The following AIPL1 variants were observed in gnomAD, a reference collection of about 807,000 sequenced individuals.
AIPL1 encodes the protein AIP like 1 HSP90 co-chaperone.
In AIPL1, 23 loss-of-function variants were observed where a neutral mutation model predicts 32.9. The ratio of observed to expected loss-of-function variants is 0.70; its 90% CI spans 0.50 to 0.99. The LOEUF (loss-of-function observed/expected upper bound fraction) is 0.99, where lower values mean the gene tolerates loss of function less well. Ranked by LOEUF, AIPL1 falls within the 50% of genes least tolerant of loss-of-function variation. The pLI, the probability that AIPL1 is intolerant of heterozygous loss-of-function variation, is 0.00. For synonymous variants in AIPL1, 210 were observed against 209.4 expected (o/e 1.00, Z -0.02); for missense variants, 485 against 506.0 (o/e 0.96, Z 0.40).
intron 4 of AIPL1, 42 bp from the exon 5 acceptor site, chr17:6,426,798 C>G (rs1188624510): frequency 1.2e-6 from 2 of 1,612,460 alleles, no homozygotes; most frequent in Admixed American, 1.7e-5. Flanking sequence ...GGCAGCTGCC[C>G]AACCCCCGCC....
intron 2 of AIPL1, among the ~76,000 whole-genome samples, chr17:6,433,461 T>A (rs1005543433): frequency 1.3e-5 from 2 of 152,114 alleles, no homozygotes; most frequent in Non-Finnish European, 2.9e-5. Context: ...GGTGTGGTGG[T>A]GCACCTGTAG....
intron 2 of AIPL1, among the ~76,000 whole-genome samples, chr17:6,429,824 GTAGA>G (rs772773845): frequency 0.22 from 14,563 of 67,082 alleles, 853 homozygotes; most frequent in African/African-American, 0.24. Context: ...AGGTAGGTAG[GTAGA>G]TAGATAGATA....
intron 2 of AIPL1, among the ~76,000 whole-genome samples, chr17:6,429,365 G>T (rs1041116814): frequency 2.2e-4 from 34 of 152,218 alleles, no homozygotes; most frequent in African/African-American, 8.2e-4. Flanking sequence ...GTTCAGCTCT[G>T]CCTCCAGGTC....
intron 5 of AIPL1, chr17:6,426,205 A>G: frequency 2.3e-6 from 3 of 1,280,116 alleles, no homozygotes; most frequent in South Asian, 1.9e-5. Flanking sequence ...TGCATGAGCC[A>G]GGGGCTGGAT....
chr17:6,428,132 T>C (rs181957344), intron 3 of AIPL1, among the ~76,000 whole-genome samples, 186 bp downstream of exon 3: 47 of 152,310 alleles, frequency 3.1e-4, no homozygotes, highest in African/African-American at 1.1e-3. Flanking sequence ...AAAGGACTTT[T>C]CTTGTGGAAA....
intron 2 of AIPL1, 34 bp from the exon 3 acceptor site, chr17:6,428,540 T>C: frequency 1.2e-6 from 2 of 1,605,648 alleles, no homozygotes; most frequent in South Asian, 2.2e-5. Context: ...GCATCCAGGC[T>C]ACCTGCCCAG....
rs1912230857 is a variant in AIPL1, at chr17:6,428,469, C to T, written c.314G>A (p.Arg105Lys). Reference protein sequence around the residue: ...GVYPILSRSLRQMAQGKDPTE... With the variant: ...GVYPILSRSLKQMAQGKDPTE... ...GGGGTCCTTGCCCTGGGCCATCTGC[C>T]TCAGGCTCCGGGATAGGATGGGGTA... Residue 105 changes from arginine to lysine, a missense_variant, in exon 3 of 6, where the codon AGG becomes AAG. Arg to Lys is a conservative substitution (Grantham distance 26). Transcript: ENST00000381129. The T allele has an allele frequency of 2.5e-6, 4 of 1,614,046 alleles. No homozygotes were observed. Among genetic ancestry groups the T allele is most frequent in the South Asian group, 1.1e-5 (1 of 91,088 alleles).
intron 1 of AIPL1, among the ~76,000 whole-genome samples, 188 bp from the exon 2 acceptor site, chr17:6,434,286 C>T (rs769155377): frequency 3.3e-5 from 5 of 151,802 alleles, no homozygotes; most frequent in Admixed American, 6.6e-5. Context: ...ACCCACCCCT[C>T]CCTACAGACC....
At position 6,434,113 on chromosome 17, in the gene AIPL1, G is replaced by T. The variant is rs190887679; in HGVS notation, c.97-15C>A. On this transcript the variant is annotated splice_polypyrimidine_tract_variant and intron_variant, in intron 1 of 5. Transcript: ENST00000381129. The stretch of plus-strand genomic sequence containing the variant: ...TGAAAGATCACCTAGTCACCGAGAC[G>T]GTGCACTCTGCTCTAGACACACTGT... 6.2e-7 allele frequency: 1 copy of T among 1,610,748 alleles called. No homozygotes were observed. Among genetic ancestry groups the T allele is most frequent in the Non-Finnish European group, 8.5e-7 (1 of 1,179,716 alleles).
intron 2 of AIPL1, among the ~76,000 whole-genome samples, chr17:6,429,607 G>A (rs151059506): frequency 8.3e-4 from 126 of 152,306 alleles, no homozygotes; most frequent in Middle Eastern, 6.8e-3. Context: ...CAAGCTGAGC[G>A]TGCTTTTGTG....
intron 2 of AIPL1, 135 bp downstream of exon 2, chr17:6,433,784 G>A: frequency 1.8e-6 from 2 of 1,127,438 alleles, no homozygotes; most frequent in Non-Finnish European, 2.6e-6. Context: ...CAGCGGTGGG[G>A]AATAAGTTTG....
Position 6,425,176 on chromosome 17 carries a change from A to T in AIPL1, c.*284T>A. On this transcript the variant is annotated 3_prime_UTR_variant, in exon 6 of 6. Transcript: ENST00000381129. ...AAAATCTAGAAACTGATTTAAACAGATTACTTGGAAATAGAGAAAACTACC... is the reference window on the plus strand; with the variant it reads ...AAAATCTAGAAACTGATTTAAACAGTTTACTTGGAAATAGAGAAAACTACC... 2.9e-6 allele frequency: 1 copy of T among 349,682 alleles called. No individual in the cohort carries two copies. 21.7% of individuals were successfully genotyped at this position (349,682 alleles called of 1,614,324 possible). A position where few individuals can be genotyped will look rare whatever the true frequency, so the allele number is the denominator to read the frequency against.
intron 2 of AIPL1, among the ~76,000 whole-genome samples, chr17:6,430,638 T>G (rs1912512118): frequency 6.6e-6 from 1 of 152,096 alleles, no homozygotes; most frequent in African/African-American, 2.4e-5. Flanking sequence ...AATCAAGAAT[T>G]TATTGACAGC....
chr17:6,432,379 A>T (rs1912684800), intron 2 of AIPL1, among the ~76,000 whole-genome samples: 1 of 152,004 alleles, frequency 6.6e-6, no homozygotes, highest in South Asian at 2.1e-4. Context: ...GTCTCAAAAA[A>T]AAAAAGAAAG....
rs1337768669 is a variant in AIPL1 at position 6,426,562 on chromosome 17, C to T, written c.784+53G>A. On this transcript the variant is annotated intron_variant, in intron 5 of 5. Transcript: ENST00000381129. ...CCAGGAAGGCTATGGCAGGTGTCTCCGTGGCCCTGGGCTGGGCGCCCCCTC... is the reference window on the plus strand; with the variant it reads ...CCAGGAAGGCTATGGCAGGTGTCTCTGTGGCCCTGGGCTGGGCGCCCCCTC... 18 of 1,589,602 alleles carry T rather than the reference C, an allele frequency of 1.1e-5. No homozygotes were observed. The East Asian group carries it at 3.6e-4, about 32-fold the overall frequency.
intron 3 of AIPL1, 26 bp downstream of exon 3, chr17:6,428,292 T>C (rs1567638577): frequency 1.2e-6 from 2 of 1,602,900 alleles, no homozygotes; most frequent in African/African-American, 2.7e-5. Context: ...GGCACAGCCC[T>C]CCAGCCCTGC....
intron 2 of AIPL1, among the ~76,000 whole-genome samples, chr17:6,428,882 A>G (rs1358782502): frequency 6.6e-6 from 1 of 152,126 alleles, no homozygotes; most frequent in African/African-American, 2.4e-5. Flanking sequence ...ACTGTAACAC[A>G]TCTCTGCCCC....
At chr17:6,430,580 T>G (rs16955854) in intron 2 of AIPL1, among the ~76,000 whole-genome samples, 1 of 151,344 alleles carries the variant, frequency 6.6e-6, no homozygotes, top group African/African-American at 2.4e-5. Context: ...GCCCACATTA[T>G]GGGAATGACA....
At chr17:6,432,395 A>G (rs1338467516) in intron 2 of AIPL1, among the ~76,000 whole-genome samples, 1 of 152,066 alleles carries the variant, frequency 6.6e-6, no homozygotes, top group Non-Finnish European at 1.5e-5. Context: ...GAAAGAAAGA[A>G]AAGAAGGAAG....
Sources: gnomAD v4.1 joint callset for allele counts (sites outside exome capture counted in the v4.1 genomes callset) on GRCh38, gnomAD v4.1.1 for gene constraint, MANE v1.5 for transcripts, NCBI Gene and HGNC (gene_info 2026-07-23, HGNC 2026-07-21) for gene names.